Variants in TMEM222 observed in about 807,000 individuals in gnomAD.
The protein encoded by TMEM222 is transmembrane protein 222, also known as chromosome 1 open reading frame 160.
In TMEM222, 18 loss-of-function variants were observed where a neutral mutation model predicts 25.1. That is an observed-to-expected ratio of 0.72 (90% CI 0.50 to 1.06). The LOEUF is 1.06. TMEM222 is among the 50% of genes least tolerant of loss of function. TMEM222 has a pLI of 0.00. For synonymous variants in TMEM222, 131 were observed against 117.9 expected (o/e 1.11, Z -0.72); for missense variants, 296 against 293.7 (o/e 1.01, Z -0.06).
In TMEM222 at chr1:27,335,761, G is replaced by A. The variant is rs1011961709; in HGVS notation, c.*295G>A. 2.5e-5 allele frequency: 11 copies of A among 441,808 alleles called. No homozygotes were observed. Among genetic ancestry groups the A allele is most frequent in the East Asian group, 4.3e-5 (1 of 23,020 alleles). The allele number at this position is 441,808 out of a possible 1,614,324, so 27.4% of individuals were successfully genotyped here. On this transcript the variant is annotated 3_prime_UTR_variant, in exon 6 of 6. Transcript: ENST00000374076. ...GGCTTCCCGCTGTAGAGCTGCTCCCGCCACCACCTGCTGGGGTCCTGCCTC... is the reference window on the plus strand; with the variant it reads ...GGCTTCCCGCTGTAGAGCTGCTCCCACCACCACCTGCTGGGGTCCTGCCTC...
intron 5 of TMEM222, 178 bp from the exon 6 acceptor site, chr1:27,335,201 C>A: frequency 1.6e-6 from 1 of 637,518 alleles, no homozygotes; most frequent in Non-Finnish European, 2.8e-6. Flanking sequence ...GGTGATCCCC[C>A]ATAGTGGGCA....
intron 1 of TMEM222, among the ~76,000 whole-genome samples, chr1:27,326,198 A>T (rs1290289969): frequency 6.6e-6 from 1 of 152,128 alleles, no homozygotes; most frequent in Admixed American, 6.5e-5. Flanking sequence ...ATTTCTCTAG[A>T]GGCTGACAAG....
intron 1 of TMEM222, among the ~76,000 whole-genome samples, chr1:27,327,072 C>A (rs150178066): frequency 6.6e-6 from 1 of 152,024 alleles, no homozygotes; most frequent in Non-Finnish European, 1.5e-5. Context: ...TTCCCATAAT[C>A]CTGAATGTCC....
chr1:27,327,012 G>A (rs2014367606), intron 1 of TMEM222, among the ~76,000 whole-genome samples: 1 of 149,682 alleles, frequency 6.7e-6, no homozygotes, highest in South Asian at 2.2e-4. Context: ...GAAAGGATTA[G>A]GGGGCAGAGA....
intron 3 of TMEM222, chr1:27,332,365 G>A: frequency 1.4e-6 from 1 of 717,068 alleles, no homozygotes; most frequent in East Asian, 2.7e-5. Flanking sequence ...CATGGCAAGG[G>A]TGAGGAAAGG....
At chr1:27,330,326 G>A (rs1263227946) in intron 1 of TMEM222, among the ~76,000 whole-genome samples, 3 of 152,122 alleles carry the variant, frequency 2.0e-5, no homozygotes, top group Non-Finnish European at 4.4e-5. Flanking sequence ...GAACTCGGGA[G>A]GCGGAGGTTG....
chr1:27,327,702 G>C (rs1038319479), intron 1 of TMEM222, among the ~76,000 whole-genome samples: 1 of 151,660 alleles, frequency 6.6e-6, no homozygotes, highest in African/African-American at 2.4e-5. Flanking sequence ...ACTCACTGCA[G>C]CCTCAACTTC....
chr1:27,325,567 C>A, intron 1 of TMEM222: 1 of 1,138,504 alleles, frequency 8.8e-7, no homozygotes, highest in Non-Finnish European at 1.3e-6. Context: ...ATAGGGCTAT[C>A]CAGAGGCACC....
At chr1:27,334,614 C>T in intron 5 of TMEM222, 2 of 1,442,416 alleles carry the variant, frequency 1.4e-6, no homozygotes, top group Non-Finnish European at 1.8e-6. Context: ...CTACGGATCC[C>T]TGTGCTCCGG....
intron 1 of TMEM222, among the ~76,000 whole-genome samples, chr1:27,330,270 A>T (rs1308878758): frequency 2.3e-4 from 31 of 133,588 alleles, no homozygotes; most frequent in Middle Eastern, 5.7e-3. Context: ...GGTGGTGCAC[A>T]CCTGTAGTCC....
rs571583591 is a variant in TMEM222, at chr1:27,329,126, G to A, written c.195-1594G>A. ...TGCTTCTGTTCCAATTTCTACCCTT[G>A]CACATTCTGTTTCTTTGTTATTTCC... On this transcript the variant is annotated intron_variant, in intron 1 of 5. Transcript: ENST00000374076. Among the ~76,000 whole-genome samples, 17 of 151,554 alleles carry A rather than the reference G, an allele frequency of 1.1e-4. No individual in the cohort carries two copies. The South Asian group carries it at 3.3e-3, about 30-fold the overall frequency.
rs201078930 is a variant in TMEM222, at chr1:27,334,183, C to T, written c.441C>T (p.His147=). 1.7e-4 allele frequency: 270 copies of T among 1,614,080 alleles called. No individual in the cohort carries two copies. The highest frequency in any genetic ancestry group is 1.7e-4 in the Non-Finnish European group (202 of 1,180,042). ...TCTGCTGTGACAACTGCCACTCGCA[C>T]GTGGCATTGGCCCTGAATCTGATGC... ...HNLCCDNCHS[H]VALALNLMRY... is the part of the protein sequence containing the mutation. The change falls in exon 5 of 6, where the codon CAC becomes CAT. Residue 147 remains histidine, a synonymous_variant. Coordinates refer to ENST00000374076, the MANE Select transcript of TMEM222 (RefSeq NM_032125.3).
In TMEM222 at chr1:27,335,689, G is replaced by A. The variant is rs1571016181; in HGVS notation, c.*223G>A. Reference sequence around the variant, plus strand: ...ACCCTGTCCCCTCCTCCCCAGGCCTGTGACTCCGGCCCTGGAAGCCCCTTT... The same window carrying A: ...ACCCTGTCCCCTCCTCCCCAGGCCTATGACTCCGGCCCTGGAAGCCCCTTT... On this transcript the variant is annotated 3_prime_UTR_variant, in exon 6 of 6. Coordinates refer to ENST00000374076, the MANE Select transcript of TMEM222 (RefSeq NM_032125.3). The A allele has an allele frequency of 5.2e-6, 3 of 582,166 alleles. No homozygotes were observed. The highest frequency in any genetic ancestry group is 3.1e-6 in the Non-Finnish European group (1 of 325,472). 36.1% of individuals were successfully genotyped at this position (582,166 alleles called of 1,614,324 possible). A position where few individuals can be genotyped will look rare whatever the true frequency, so the allele number is the denominator to read the frequency against.
chr1:27,323,205 G>A (rs1222598338), intron 1 of TMEM222, among the ~76,000 whole-genome samples: 2 of 152,234 alleles, frequency 1.3e-5, no homozygotes, highest in African/African-American at 4.8e-5. Context: ...GTAGCATTAA[G>A]TGTCTTGATC....
At position 27,335,742 on chromosome 1, in the gene TMEM222, C is replaced by T. The variant is rs565552497; in HGVS notation, c.*276C>T. The T allele has an allele frequency of 9.0e-5, 46 of 513,170 alleles. No homozygotes were observed. The highest frequency in any genetic ancestry group is 8.3e-4 in the African/African-American group (43 of 52,052). 31.8% of individuals were successfully genotyped at this position (513,170 alleles called of 1,614,324 possible). ...TCTTCTGTTGAAAGGCTTTGGCTTC[C>T]CGCTGTAGAGCTGCTCCCGCCACCA... On this transcript the variant is annotated 3_prime_UTR_variant, in exon 6 of 6. Coordinates refer to ENST00000374076, the MANE Select transcript of TMEM222 (RefSeq NM_032125.3).
chr1:27,331,601 TG>T (rs757232351), intron 2 of TMEM222, among the ~76,000 whole-genome samples: 13 of 152,356 alleles, frequency 8.5e-5, no homozygotes, highest in Non-Finnish European at 7.3e-5. Context: ...GAAGTCCCTC[TG>T]GGCCCAGCGC....
intron 1 of TMEM222, among the ~76,000 whole-genome samples, chr1:27,324,822 G>T (rs1571004709): frequency 6.6e-6 from 1 of 152,080 alleles, no homozygotes; most frequent in East Asian, 1.9e-4. Context: ...AGTGAGGGGG[G>T]AGATGCTACA....
At chr1:27,332,673 G>A (rs978421454) in intron 3 of TMEM222, 7 of 627,514 alleles carry the variant, frequency 1.1e-5, no homozygotes, top group Non-Finnish European at 2.0e-5. Flanking sequence ...GTCCTCAGGT[G>A]ACCTGTTGCC....
chr1:27,332,990 G>T, intron 3 of TMEM222: 2 of 293,874 alleles, frequency 6.8e-6, no homozygotes, highest in Non-Finnish European at 1.4e-5. Flanking sequence ...AGCTCTCCTT[G>T]GCCTGAGACC....
Sources: allele counts gnomAD v4.1 joint callset (sites outside exome capture counted in the v4.1 genomes callset), GRCh38; gene constraint gnomAD v4.1.1; transcripts MANE v1.5; gene names NCBI Gene and HGNC (gene_info 2026-07-23, HGNC 2026-07-21).